ROBO2: variants seen among roughly 807,000 people sequenced by gnomAD.
ROBO2 encodes the protein roundabout guidance receptor 2.
Under a neutral mutation model 160.8 loss-of-function variants are expected in ROBO2, and 53 were observed. That is an observed-to-expected ratio of 0.33 (90% CI 0.26 to 0.41). The LOEUF is 0.41. Among genes scored for constraint, ROBO2 ranks in the 10% least tolerant of loss-of-function variants. The probability of loss-of-function intolerance (pLI) is 1.00; values close to 1 mark genes in which losing one functional copy is unlikely to be tolerated. For synonymous variants in ROBO2, 664 were observed against 611.7 expected, an observed-to-expected ratio of 1.09 and a Z score of -1.26; for missense variants, 1,577 against 1,722.4, an observed-to-expected ratio of 0.92 and a Z score of 1.49.
chr3:76,326,591 A>C (rs1381329706), intron 2 of ROBO2, among the ~76,000 whole-genome samples: 2 of 151,776 alleles, frequency 1.3e-5, no homozygotes, highest in African/African-American at 4.9e-5. Context: ...ATTCATATGC[A>C]GAATTATTAT....
intron 2 of ROBO2, among the ~76,000 whole-genome samples, chr3:76,003,037 G>A (rs1445911539): frequency 6.6e-6 from 1 of 152,166 alleles, no homozygotes; most frequent in Non-Finnish European, 1.5e-5. Flanking sequence ...TCTTTCTGGA[G>A]GTTTTTAGAA....
chr3:76,527,989 G>A, intron 2 of ROBO2, among the ~76,000 whole-genome samples: 1 of 152,112 alleles, frequency 6.6e-6, no homozygotes, highest in Non-Finnish European at 1.5e-5. Context: ...AGGAAAGAGG[G>A]TAGAGGTGAA....
intron 2 of ROBO2, among the ~76,000 whole-genome samples, chr3:76,772,724 G>A (rs1190347129): frequency 6.6e-6 from 1 of 150,950 alleles, no homozygotes; most frequent in Non-Finnish European, 1.5e-5. Context: ...ATGGTCATTT[G>A]CCAGAGTGGA....
chr3:75,917,498 C>T (rs888449021), intron 1 of ROBO2, among the ~76,000 whole-genome samples: 16 of 152,120 alleles, frequency 1.1e-4, no homozygotes, highest in South Asian at 2.1e-4. Flanking sequence ...AATAAACATA[C>T]GTGTACATGT....
At position 77,634,757 on chromosome 3, in the gene ROBO2, C is replaced by A. The variant is rs978398235; in HGVS notation, c.3761-113C>A. 18 of 987,864 alleles carry A rather than the reference C, an allele frequency of 1.8e-5. No homozygotes were observed. The African/African-American group carries it at 2.9e-4, about 16-fold the overall frequency. The allele number at this position is 987,864 out of a possible 1,614,324, so 61.2% of individuals were successfully genotyped here. On this transcript the variant is annotated intron_variant, in intron 23 of 25. Transcript: ENST00000461745. The stretch of plus-strand genomic sequence containing the variant: ...GAGATGCACCAATATTTGGTATCTT[C>A]ATATGTTATCTCTAGGTAGATTTAC...
intron 2 of ROBO2, among the ~76,000 whole-genome samples, chr3:76,942,390 C>T (rs375396260): frequency 1.3e-5 from 2 of 152,268 alleles, no homozygotes; most frequent in East Asian, 3.9e-4. Context: ...GTTTTGACTC[C>T]GTATTTCCAT....
At chr3:76,421,576 A>T (rs368243196) in intron 2 of ROBO2, among the ~76,000 whole-genome samples, 250 of 152,034 alleles carry the variant, frequency 1.6e-3, no homozygotes, top group Middle Eastern at 0.014. Flanking sequence ...AAAATACAAA[A>T]TTAGCCGGAC....
Position 76,268,271 on chromosome 3 carries a change from G to A in ROBO2, c.109+330669G>A, listed in dbSNP as rs4856023. Among the ~76,000 whole-genome samples the A allele has an allele frequency of 3.4e-3, 519 of 152,148 alleles. 6 individuals carry two copies. The highest frequency in any genetic ancestry group is 0.025 in the Admixed American group (379 of 15,252). The stretch of plus-strand genomic sequence containing the variant: ...GGCAGCAGAGCAAAGAAAGCGAAGG[G>A]GAGGGGAGGGGAGGGGAGGAGAGGA... On this transcript the variant is annotated intron_variant, in intron 2 of 26. Transcript: ENST00000487694.
rs921047412 is a variant in ROBO2, at chr3:76,468,010, T to C, written c.109+530408T>C. On this transcript the variant is annotated intron_variant, in intron 2 of 26. Transcript: ENST00000487694. ...TAGCAAGTTTTATCTCTGACAGTTTTTAGCAAGAAGAAATAATGATAGAAA... is the reference window on the plus strand; with the variant it reads ...TAGCAAGTTTTATCTCTGACAGTTTCTAGCAAGAAGAAATAATGATAGAAA... 5.9e-5 allele frequency among the ~76,000 whole-genome samples: 9 copies of C among 152,264 alleles called. No individual in the cohort carries two copies. The South Asian group carries it at 8.3e-4, about 14-fold the overall frequency.
chr3:75,916,658 T>A (rs6549821), intron 1 of ROBO2, among the ~76,000 whole-genome samples: 151,956 of 152,204 alleles, frequency 1, 75,854 homozygotes, highest in Middle Eastern at 1. Flanking sequence ...CAAAGATTGA[T>A]TTTCTTAAAG....
intron 1 of ROBO2, among the ~76,000 whole-genome samples, chr3:75,932,182 TG>T (rs1947574438): frequency 6.6e-6 from 1 of 152,170 alleles, no homozygotes. Flanking sequence ...CCTGCTTCTC[TG>T]GAGAGACTTT....
intron 2 of ROBO2, among the ~76,000 whole-genome samples, chr3:76,304,742 C>CT (rs150072950): frequency 6.4e-4 from 66 of 103,746 alleles, no homozygotes; most frequent in African/African-American, 2.1e-3. Context: ...CTTTTCTTTT[C>CT]TTTCCTTCTT....
intron 2 of ROBO2, among the ~76,000 whole-genome samples, chr3:77,445,827 G>A (rs372675143): frequency 1.0e-4 from 14 of 135,252 alleles, no homozygotes; most frequent in African/African-American, 3.5e-4. Context: ...TTTTAGTATA[G>A]CAAGGATAGC....
intron 2 of ROBO2, among the ~76,000 whole-genome samples, chr3:76,086,591 A>C (rs562183774): frequency 6.6e-6 from 1 of 152,244 alleles, no homozygotes; most frequent in Admixed American, 6.5e-5. Context: ...TTAAAGGCCT[A>C]TTTACTGCAG....
chr3:76,408,324 A>G (rs980505827), intron 2 of ROBO2, among the ~76,000 whole-genome samples: 5 of 152,066 alleles, frequency 3.3e-5, no homozygotes, highest in Admixed American at 3.3e-4. Context: ...TATTAAATTC[A>G]TGGACAAAAT....
chr3:76,248,608 A>G (rs1247957857), intron 2 of ROBO2, among the ~76,000 whole-genome samples: 2 of 151,742 alleles, frequency 1.3e-5, no homozygotes, highest in African/African-American at 4.8e-5. Flanking sequence ...AACCTGCACA[A>G]TGTGCACATG....
intron 4 of ROBO2, among the ~76,000 whole-genome samples, chr3:77,492,212 A>C (rs979475551): frequency 2.6e-5 from 4 of 152,190 alleles, no homozygotes; most frequent in African/African-American, 7.2e-5. Context: ...TACCTCAGTA[A>C]GTAGCAATAT....
intron 2 of ROBO2, among the ~76,000 whole-genome samples, chr3:77,438,509 G>A (rs537509327): frequency 6.6e-6 from 1 of 150,866 alleles, no homozygotes; most frequent in South Asian, 2.1e-4. Flanking sequence ...GTGAGTATCT[G>A]AAAAAGAGTG....
intron 2 of ROBO2, among the ~76,000 whole-genome samples, chr3:76,001,723 T>G (rs1326103929): frequency 1.3e-5 from 2 of 152,158 alleles, no homozygotes; most frequent in African/African-American, 4.8e-5. Flanking sequence ...GTTTATATTT[T>G]TAGTAGAAAT....
Sources: allele counts gnomAD v4.1 joint callset (sites outside exome capture counted in the v4.1 genomes callset), GRCh38; gene constraint gnomAD v4.1.1; transcripts MANE v1.5; gene names NCBI Gene and HGNC (gene_info 2026-07-23, HGNC 2026-07-21).